The following CCDC178 variants were observed in gnomAD, a reference collection of about 807,000 sequenced individuals.
CCDC178 encodes coiled-coil domain containing 178, also known as coiled-coil domain-containing protein 178.
A neutral mutation model predicts 117.4 loss-of-function variants in CCDC178; 126 were observed. The observed-to-expected ratio is 1.07, with a 90% CI of 0.93 to 1.24. The LOEUF (loss-of-function observed/expected upper bound fraction) is 1.24. Ranked by LOEUF, CCDC178 falls within the 50% of genes most tolerant of loss-of-function variation. CCDC178 has a pLI of 0.00. For missense variants in CCDC178, 1,030 were observed against 986.9 expected, an observed-to-expected ratio of 1.04 and a Z score of -0.59; for synonymous variants, 283 against 313.4, an observed-to-expected ratio of 0.90 and a Z score of 1.02.
intron 20 of CCDC178, among the ~76,000 whole-genome samples, chr18:33,165,948 C>T (rs2058522747): frequency 6.6e-6 from 1 of 152,138 alleles, no homozygotes; most frequent in Non-Finnish European, 1.5e-5. Context: ...ACAACAACAA[C>T]TAAACTCTTA....
chr18:32,954,150 G>T (rs1355713773), intron 22 of CCDC178: 5 of 152,058 alleles, frequency 3.3e-5, no homozygotes, highest in African/African-American at 1.2e-4. Context: ...TCCTAATGCT[G>T]CCCTGGTTCA....
intron 20 of CCDC178, among the ~76,000 whole-genome samples, chr18:33,160,474 C>T (rs1723997603): frequency 6.6e-6 from 1 of 152,070 alleles, no homozygotes; most frequent in Non-Finnish European, 1.5e-5. Context: ...ATTCACATGA[C>T]TCTCAATCTT....
intron 21 of CCDC178, among the ~76,000 whole-genome samples, chr18:33,082,069 AG>A (rs2057306196): frequency 6.6e-6 from 1 of 152,230 alleles, no homozygotes; most frequent in East Asian, 1.9e-4. Context: ...TCAAGAAAGC[AG>A]GAAAAAATTT....
intron 20 of CCDC178, among the ~76,000 whole-genome samples, chr18:33,125,356 G>T (rs1299095205): frequency 6.6e-6 from 1 of 152,028 alleles, no homozygotes; most frequent in Admixed American, 6.6e-5. Context: ...TTATTTATTT[G>T]ATAAATATTA....
At chr18:32,987,987 G>A (rs2144732949) in intron 21 of CCDC178, among the ~76,000 whole-genome samples, 1 of 152,030 alleles carries the variant, frequency 6.6e-6, no homozygotes, top group African/African-American at 2.4e-5. Flanking sequence ...TGAGGCAGGA[G>A]AATCGCTTGA....
intron 20 of CCDC178, among the ~76,000 whole-genome samples, chr18:33,204,782 T>A (rs1479115447): frequency 6.6e-6 from 1 of 152,148 alleles, no homozygotes; most frequent in Non-Finnish European, 1.5e-5. Context: ...ATCCATTTAC[T>A]ATGTAGAATA....
intron 20 of CCDC178, among the ~76,000 whole-genome samples, chr18:33,149,091 G>T (rs935921096): frequency 3.9e-5 from 6 of 152,192 alleles, no homozygotes; most frequent in African/African-American, 1.4e-4. Flanking sequence ...TAGGCCTCCT[G>T]TTGGGATGAA....
chr18:33,261,596 T>C lies in CCDC178; in HGVS notation c.1409+5320A>G, dbSNP rs143329789. Among the ~76,000 whole-genome samples, 5 of 152,308 alleles carry C rather than the reference T, an allele frequency of 3.3e-5. No individual in the cohort carries two copies. In the East Asian group the frequency reaches 9.7e-4, roughly 29 times the overall value. On this transcript the variant is annotated intron_variant, in intron 14 of 22. Transcript: ENST00000383096. ...TCTGATTGCTGTTGCTATCTACTGA[T>C]ATTTCTGTTTTCTAGCTATCTCAAC...
intron 11 of CCDC178, among the ~76,000 whole-genome samples, chr18:33,311,999 G>A (rs1344773843): frequency 6.6e-6 from 1 of 152,172 alleles, no homozygotes; most frequent in Non-Finnish European, 1.5e-5. Flanking sequence ...AGTAATTAAT[G>A]AGTTGAGAAA....
At chr18:32,959,349 A>T (rs2054659533) in intron 22 of CCDC178, among the ~76,000 whole-genome samples, 1 of 152,158 alleles carries the variant, frequency 6.6e-6, no homozygotes, top group African/African-American at 2.4e-5. Context: ...TGTTGGATTG[A>T]GGTAGGATAC....
chr18:33,188,508 GAGA>G (rs2058821435), intron 20 of CCDC178, among the ~76,000 whole-genome samples: 1 of 152,122 alleles, frequency 6.6e-6, no homozygotes, highest in East Asian at 1.9e-4. Context: ...TGAAACAAAT[GAGA>G]AGGTCAGAGA....
intron 3 of CCDC178, among the ~76,000 whole-genome samples, chr18:33,402,219 A>G (rs1421438256): frequency 6.6e-6 from 1 of 152,214 alleles, no homozygotes; most frequent in East Asian, 1.9e-4. Context: ...ACCTCTCCAT[A>G]AATACAAAGA....
chr18:33,138,316 AAAAAG>A (rs1234235136), intron 20 of CCDC178, among the ~76,000 whole-genome samples: 12 of 152,188 alleles, frequency 7.9e-5, no homozygotes, highest in Non-Finnish European at 1.0e-4. Context: ...ATTGTGAGGA[AAAAAG>A]AAAAGGGCAT....
intron 20 of CCDC178, among the ~76,000 whole-genome samples, chr18:33,167,988 C>A (rs2058553939): frequency 6.6e-6 from 1 of 151,766 alleles, no homozygotes; most frequent in African/African-American, 2.4e-5. Flanking sequence ...GGATATTAGA[C>A]CTTTGTTGGA....
intron 2 of CCDC178, among the ~76,000 whole-genome samples, chr18:33,420,703 G>A (rs964372614): frequency 1.3e-5 from 2 of 151,924 alleles, no homozygotes; most frequent in South Asian, 2.1e-4. Flanking sequence ...GCTTATTACC[G>A]TGATGAAATA....
rs1270297446 is a variant in CCDC178, at chr18:32,937,876, G to C, written c.*135C>G. 1 of 663,270 alleles carries C rather than the reference G, an allele frequency of 1.5e-6. No homozygotes were observed. Among genetic ancestry groups the C allele is most frequent in the Non-Finnish European group, 2.7e-6 (1 of 367,246 alleles). The allele number at this position is 663,270 out of a possible 1,614,324, so 41.1% of individuals were successfully genotyped here. ...TGTGAGTAAAAGAGTGGCAAAGCAT[G>C]CTGGGAGGTGAGTGAGTTTTTCGTT... On this transcript the variant is annotated 3_prime_UTR_variant, in exon 23 of 23. Coordinates refer to ENST00000383096, the MANE Select transcript of CCDC178 (RefSeq NM_001105528.4).
intron 5 of CCDC178, among the ~76,000 whole-genome samples, chr18:33,380,096 C>A (rs1221040724): frequency 6.6e-6 from 1 of 152,064 alleles, no homozygotes; most frequent in Non-Finnish European, 1.5e-5. Flanking sequence ...TCCTGCTGCA[C>A]CACAGTCTCA....
At chr18:33,366,696 T>C (rs1167593346) in intron 6 of CCDC178, among the ~76,000 whole-genome samples, 3 of 152,014 alleles carry the variant, frequency 2.0e-5, no homozygotes, top group African/African-American at 7.2e-5. Flanking sequence ...CTACATATTA[T>C]ATGTAACTGG....
At chr18:33,331,042 T>C (rs2062661710) in intron 10 of CCDC178, among the ~76,000 whole-genome samples, 1 of 139,724 alleles carries the variant, frequency 7.2e-6, no homozygotes, top group East Asian at 2.1e-4. Flanking sequence ...TTTTTTTTTT[T>C]TTTTTTTTTT....
Sources: gnomAD v4.1 joint callset for allele counts (sites outside exome capture counted in the v4.1 genomes callset) on GRCh38, gnomAD v4.1.1 for gene constraint, MANE v1.5 for transcripts, NCBI Gene and HGNC (gene_info 2026-07-23, HGNC 2026-07-21) for gene names.